Variants in NTM observed in about 807,000 individuals in gnomAD.
NTM encodes the protein neurotrimin.
Under a neutral mutation model 42.1 loss-of-function variants are expected in NTM, and 13 were observed. That is an observed-to-expected ratio of 0.31 (90% CI 0.20 to 0.49). The LOEUF is 0.49. Ranked by LOEUF, NTM falls within the 20% of genes least tolerant of loss-of-function variation. The pLI is 0.99. For missense variants in NTM, 373 were observed against 452.8 expected (o/e 0.82, Z 1.60); for synonymous variants, 187 against 179.2 (o/e 1.04, Z -0.35).
At chr11:131,767,632 C>A (rs981769393) in intron 1 of NTM, among the ~76,000 whole-genome samples, 2 of 152,198 alleles carry the variant, frequency 1.3e-5, no homozygotes, top group African/African-American at 4.8e-5. Context: ...CCTCTGCAAA[C>A]CAGGAAATGA....
At chr11:132,256,457 T>G (rs1007274394) in intron 4 of NTM, among the ~76,000 whole-genome samples, 2 of 152,172 alleles carry the variant, frequency 1.3e-5, no homozygotes, top group South Asian at 4.1e-4. Context: ...GGATACACTT[T>G]CCTCTCTCAC....
intron 4 of NTM, among the ~76,000 whole-genome samples, chr11:132,271,735 G>T (rs1196562635): frequency 7.1e-6 from 1 of 141,212 alleles, no homozygotes; most frequent in East Asian, 2.8e-4. Flanking sequence ...TTTTAATTGG[G>T]TTGTCTTTTT....
intron 1 of NTM, among the ~76,000 whole-genome samples, chr11:131,845,571 C>A (rs138702722): frequency 6.6e-6 from 1 of 151,706 alleles, no homozygotes; most frequent in Non-Finnish European, 1.5e-5. Flanking sequence ...GTTTGAAAAG[C>A]TGGTTTACAT....
intron 1 of NTM, among the ~76,000 whole-genome samples, chr11:131,512,852 C>A (rs1485333481): frequency 6.6e-6 from 1 of 152,078 alleles, no homozygotes; most frequent in Non-Finnish European, 1.5e-5. Context: ...AGCCCCATGC[C>A]CCCCACCCTC....
rs1274546117 is a variant in NTM, at chr11:131,733,447, CTTCCTTCCTTCCTTCT to C, written c.83-178101_83-178086del. On this transcript the variant is annotated intron_variant, in intron 1 of 8. Coordinates refer to ENST00000683400, the MANE Select transcript of NTM (RefSeq NM_001352005.2). Reference sequence around the variant, plus strand: ...AAAATTTATTGTAAAATGTCTTTTCCTTCCTTCCTTCCTTCTTTCCTTCCTTCCTTCCTTCCTTCCT... The same window carrying C: ...AAAATTTATTGTAAAATGTCTTTTCCTTCCTTCCTTCCTTCCTTCCTTCCT... Among the ~76,000 whole-genome samples the C allele has an allele frequency of 7.3e-3, 989 of 136,106 alleles. 13 individuals are homozygous for C. The highest frequency in any genetic ancestry group is 0.023 in the Middle Eastern group (6 of 262). The allele number at this position is 136,106 out of a possible 152,430, so 89.3% of individuals were successfully genotyped here.
intron 4 of NTM, among the ~76,000 whole-genome samples, chr11:132,221,594 C>A (rs1405514914): frequency 6.6e-6 from 1 of 152,098 alleles, no homozygotes; most frequent in Non-Finnish European, 1.5e-5. Flanking sequence ...CATGCCCCAG[C>A]CTTACTGAAC....
At chr11:131,758,276 C>T (rs2083607154) in intron 1 of NTM, among the ~76,000 whole-genome samples, 1 of 151,988 alleles carries the variant, frequency 6.6e-6, no homozygotes, top group Admixed American at 6.5e-5. Context: ...CCCCGCCAAC[C>T]CCGCTAGCTA....
At chr11:132,140,814 A>G (rs1181321915) in intron 2 of NTM, among the ~76,000 whole-genome samples, 6 of 152,162 alleles carry the variant, frequency 3.9e-5, no homozygotes, top group Non-Finnish European at 5.9e-5. Context: ...ATGTTCCCCT[A>G]TGATGCTTGA....
At chr11:131,795,108 CT>C (rs1431775930) in intron 1 of NTM, 4 of 548,962 alleles carry the variant, frequency 7.3e-6, no homozygotes, top group Admixed American at 1.3e-4. Flanking sequence ...TTATTCTTTA[CT>C]TTTTCATTAA....
intron 1 of NTM, among the ~76,000 whole-genome samples, chr11:131,807,969 G>A (rs1226262737): frequency 6.6e-6 from 1 of 152,162 alleles, no homozygotes; most frequent in African/African-American, 2.4e-5. Context: ...GAAACAAAAT[G>A]TTTAAGTGAA....
intron 1 of NTM, among the ~76,000 whole-genome samples, chr11:131,435,821 A>G (rs1225864036): frequency 2.0e-5 from 3 of 152,178 alleles, no homozygotes; most frequent in African/African-American, 4.8e-5. Context: ...TTCCAGCACT[A>G]TGTTGAATAG....
intron 1 of NTM, among the ~76,000 whole-genome samples, chr11:131,653,046 T>C (rs2739283): frequency 0.87 from 133,050 of 152,170 alleles, 58,292 homozygotes; most frequent in African/African-American, 0.92. Context: ...CCCCGCTATT[T>C]GACGAGCTGC....
chr11:131,530,446 C>A lies in NTM; in HGVS notation c.82+159558C>A, dbSNP rs899940539. On this transcript the variant is annotated intron_variant, in intron 1 of 8. Coordinates refer to ENST00000683400, the MANE Select transcript of NTM (RefSeq NM_001352005.2). ...TTCTCAAAAAAAAAAAAAAAAAAGA[C>A]TGACCAGTTCTTTTACTGGGGGACT... is the stretch of plus-strand genomic sequence containing the variant. Among the ~76,000 whole-genome samples the A allele has an allele frequency of 5.5e-4, 70 of 126,396 alleles. No homozygotes were observed. In the Middle Eastern group the frequency reaches 0.02, roughly 37 times the overall value. 82.9% of individuals were successfully genotyped at this position (126,396 alleles called of 152,430 possible). A position where few individuals can be genotyped will look rare whatever the true frequency, so the allele number is the denominator to read the frequency against.
At chr11:131,651,399 A>G (rs1266310086) in intron 1 of NTM, among the ~76,000 whole-genome samples, 1 of 152,230 alleles carries the variant, frequency 6.6e-6, no homozygotes, top group Admixed American at 6.5e-5. Flanking sequence ...ATTCAAATCA[A>G]TTGCACATCT....
chr11:132,161,730 A>G (rs968375262), intron 3 of NTM, among the ~76,000 whole-genome samples: 6 of 151,610 alleles, frequency 4.0e-5, no homozygotes, highest in African/African-American at 1.5e-4. Flanking sequence ...AGCCCTGTGC[A>G]CCCAGACTGC....
chr11:132,330,744 C>CCTAA lies in NTM; in HGVS notation c.967+562_967+565dup, dbSNP rs147578326. On this transcript the variant is annotated intron_variant, in intron 8 of 8. Coordinates refer to ENST00000683400, the MANE Select transcript of NTM (RefSeq NM_001352005.2). ...GACACTCATCACCGTTCTCTGGGACCCTAACTGTCCTGGTAATTAGTCTCT... is the reference window on the plus strand; with the variant it reads ...GACACTCATCACCGTTCTCTGGGACCCTAACTAACTGTCCTGGTAATTAGTCTCT... Among the ~76,000 whole-genome samples, 1,146 of 152,280 alleles carry CCTAA rather than the reference C, an allele frequency of 7.5e-3. 12 individuals are homozygous for CCTAA. The highest frequency in any genetic ancestry group is 0.065 in the Middle Eastern group (19 of 294).
intron 1 of NTM, among the ~76,000 whole-genome samples, chr11:131,864,927 G>A (rs139707753): frequency 3.6e-4 from 55 of 152,250 alleles, no homozygotes; most frequent in African/African-American, 1.3e-3. Flanking sequence ...ACAGTCGACT[G>A]AGCCAGCAGG....
chr11:131,777,190 C>A, intron 1 of NTM: 1 of 352,268 alleles, frequency 2.8e-6, no homozygotes, highest in Non-Finnish European at 4.0e-6. Flanking sequence ...AGTGCCCTCT[C>A]TTTGCAAGCC....
At chr11:131,683,605 A>G (rs1592536057) in intron 1 of NTM, among the ~76,000 whole-genome samples, 1 of 152,214 alleles carries the variant, frequency 6.6e-6, no homozygotes, top group African/African-American at 2.4e-5. Flanking sequence ...CACTCTGTCA[A>G]TGTATTCACA....
Sources: allele counts gnomAD v4.1 joint callset (sites outside exome capture counted in the v4.1 genomes callset), GRCh38; gene constraint gnomAD v4.1.1; transcripts MANE v1.5; gene names NCBI Gene and HGNC (gene_info 2026-07-23, HGNC 2026-07-21).